Variants in IFT43 observed in about 807,000 individuals in gnomAD.
IFT43 encodes the protein intraflagellar transport 43.
A neutral mutation model predicts 32.3 loss-of-function variants in IFT43; 33 were observed. The ratio of observed to expected loss-of-function variants is 1.02; its 90% CI spans 0.77 to 1.37. The LOEUF (loss-of-function observed/expected upper bound fraction) is 1.37. Ranked by LOEUF, IFT43 falls within the 40% of genes most tolerant of loss-of-function variation. The pLI, the probability that IFT43 is intolerant of heterozygous loss-of-function variation, is 0.00. For missense variants in IFT43, 274 were observed against 265.9 expected (o/e 1.03, Z -0.21); for synonymous variants, 93 against 98.2 (o/e 0.95, Z 0.31).
At chr14:75,992,637 C>T (rs1374389149) in intron 2 of IFT43, among the ~76,000 whole-genome samples, 3 of 152,108 alleles carry the variant, frequency 2.0e-5, no homozygotes, top group Admixed American at 6.5e-5. Context: ...CCTTGAACTC[C>T]CGGGCTCAAG....
At chr14:76,053,385 A>G (rs11844062) in intron 3 of IFT43, among the ~76,000 whole-genome samples, 52,490 of 151,860 alleles carry the variant, frequency 0.35, 9,193 homozygotes, top group African/African-American at 0.39. Context: ...GGCTAAGCGT[A>G]GGTCAGAGAG....
rs1485146040 is a variant in IFT43, at chr14:76,062,938, A to AAAAAGAAAAAAG, written c.295+3568_295+3569insAGAAAAAAGAAA. Among the ~76,000 whole-genome samples the AAAAAGAAAAAAG allele has an allele frequency of 5.9e-3, 708 of 120,766 alleles. 47 individuals are homozygous for AAAAAGAAAAAAG. Among genetic ancestry groups the AAAAAGAAAAAAG allele is most frequent in the African/African-American group, 0.013 (396 of 30,390 alleles). 79.2% of individuals were successfully genotyped at this position (120,766 alleles called of 152,430 possible). A position where few individuals can be genotyped will look rare whatever the true frequency, so the allele number is the denominator to read the frequency against. On this transcript the variant is annotated intron_variant, in intron 5 of 8. Coordinates refer to ENST00000314067, the MANE Select transcript of IFT43 (RefSeq NM_001102564.3). ...ATCTCAAAAAAAAAAAAAAAAAAAA[A>AAAAAGAAAAAAG]AAAGAAAATACATTAAGTCAAACCA...
At chr14:76,048,828 GC>G (rs2036857740) in intron 3 of IFT43, among the ~76,000 whole-genome samples, 1 of 152,130 alleles carries the variant, frequency 6.6e-6, no homozygotes, top group African/African-American at 2.4e-5. Flanking sequence ...ACCAGGGTGG[GC>G]CCTGAGCCTC....
chr14:76,033,155 GC>G (rs1344781507), intron 3 of IFT43, among the ~76,000 whole-genome samples: 1 of 152,180 alleles, frequency 6.6e-6, no homozygotes, highest in African/African-American at 2.4e-5. Context: ...TTGCATTGGA[GC>G]CCCAGCCAGA....
Position 76,083,645 on chromosome 14 carries a change from C to A in IFT43, c.*68C>A. The A allele has an allele frequency of 6.7e-7, 1 of 1,496,408 alleles. No homozygotes were observed. Among genetic ancestry groups the A allele is most frequent in the Non-Finnish European group, 9.3e-7 (1 of 1,081,030 alleles). 92.7% of individuals were successfully genotyped at this position (1,496,408 alleles called of 1,614,324 possible). A position where few individuals can be genotyped will look rare whatever the true frequency, so the allele number is the denominator to read the frequency against. ...TAAAGCTAAAGAAGCTTGTAAGCAG[C>A]TCCGAATTTTTACCTGGAATATTTT... On this transcript the variant is annotated 3_prime_UTR_variant, in exon 9 of 9. Transcript: ENST00000314067.
intron 5 of IFT43, among the ~76,000 whole-genome samples, chr14:76,061,879 T>C (rs1469531023): frequency 3.9e-5 from 6 of 152,170 alleles, no homozygotes; most frequent in Non-Finnish European, 2.9e-5. Flanking sequence ...TCCTCCAATA[T>C]ACATTTCCTT....
chr14:75,990,509 A>G (rs532628665), intron 2 of IFT43, among the ~76,000 whole-genome samples: 11 of 152,354 alleles, frequency 7.2e-5, no homozygotes, highest in African/African-American at 2.6e-4. Flanking sequence ...TATCTGTCAC[A>G]GTGCCTGGCA....
At chr14:75,986,589 G>A (rs1181448300) in intron 1 of IFT43, among the ~76,000 whole-genome samples, 1 of 152,176 alleles carries the variant, frequency 6.6e-6, no homozygotes, top group African/African-American at 2.4e-5. Context: ...ATGTTATCAC[G>A]GAAGAGGTCA....
Position 76,021,979 on chromosome 14 carries a change from G to A in IFT43, c.148-348G>A, listed in dbSNP as rs563733230. ...TTAAACACAAATGTTGGTTGGGCGC[G>A]GTGGCTCACGCCTGTAATCCCAGCA... On this transcript the variant is annotated intron_variant, in intron 2 of 8. Transcript: ENST00000314067. Among the ~76,000 whole-genome samples, 4 of 152,312 alleles carry A rather than the reference G, an allele frequency of 2.6e-5. No individual in the cohort carries two copies. The South Asian group carries it at 6.2e-4, about 24-fold the overall frequency.
At chr14:76,028,997 C>G (rs1330054363) in intron 3 of IFT43, among the ~76,000 whole-genome samples, 4 of 152,176 alleles carry the variant, frequency 2.6e-5, no homozygotes, top group Non-Finnish European at 5.9e-5. Flanking sequence ...GATGGGATTG[C>G]CGGGTCAAAT....
chr14:76,061,460 T>C (rs1028152461), intron 5 of IFT43, among the ~76,000 whole-genome samples: 1 of 152,234 alleles, frequency 6.6e-6, no homozygotes, highest in Non-Finnish European at 1.5e-5. Flanking sequence ...CAAGTTTGTA[T>C]GCCCACACAA....
intron 2 of IFT43, among the ~76,000 whole-genome samples, chr14:76,012,783 AGTTTAGGGAAT>A (rs1334501205): frequency 2.0e-5 from 3 of 152,172 alleles, no homozygotes; most frequent in Non-Finnish European, 2.9e-5. Flanking sequence ...TTTTAAAACA[AGTTTAGGGAAT>A]GTTACCTGGC....
intron 5 of IFT43, among the ~76,000 whole-genome samples, chr14:76,078,510 A>G (rs771947694): frequency 2.6e-5 from 4 of 152,232 alleles, no homozygotes; most frequent in Admixed American, 6.5e-5. Context: ...TGGGTGTTCC[A>G]TCAGTATCCT....
At chr14:76,068,390 C>T (rs781682129) in intron 5 of IFT43, among the ~76,000 whole-genome samples, 3 of 152,218 alleles carry the variant, frequency 2.0e-5, no homozygotes, top group South Asian at 2.1e-4. Flanking sequence ...CAATACTCAT[C>T]CTCCCCACAT....
At chr14:76,070,239 C>T (rs1308125772) in intron 5 of IFT43, among the ~76,000 whole-genome samples, 4 of 152,218 alleles carry the variant, frequency 2.6e-5, no homozygotes, top group African/African-American at 7.2e-5. Context: ...CCCTGTCTCT[C>T]CCTCTTCCCA....
chr14:76,007,320 C>T (rs1288344429), intron 2 of IFT43, among the ~76,000 whole-genome samples: 1 of 152,174 alleles, frequency 6.6e-6, no homozygotes, highest in Non-Finnish European at 1.5e-5. Flanking sequence ...CTGGTCTCAC[C>T]ACTGCGTGAT....
At chr14:76,067,614 T>C (rs2037248152) in intron 5 of IFT43, among the ~76,000 whole-genome samples, 1 of 151,366 alleles carries the variant, frequency 6.6e-6, no homozygotes, top group Admixed American at 6.6e-5. Flanking sequence ...CTTTGAAGAT[T>C]AAGTGTGTTT....
chr14:75,994,845 C>T (rs1194864435), intron 2 of IFT43, among the ~76,000 whole-genome samples: 1 of 152,180 alleles, frequency 6.6e-6, no homozygotes. Flanking sequence ...TGATTGTGCC[C>T]TCACAGAACT....
In IFT43 at chr14:76,082,700, G is replaced by A. The variant is rs1322634685; in HGVS notation, c.444+8G>A. On this transcript the variant is annotated splice_region_variant and intron_variant, in intron 7 of 8. Coordinates refer to ENST00000314067, the MANE Select transcript of IFT43 (RefSeq NM_001102564.3). ...TCAGCCATTCAGACACTGGTGAGTG[G>A]AACAGCTTCTGCATAGAGAGGCGGG... 2.5e-6 allele frequency: 4 copies of A among 1,573,286 alleles called. No individual in the cohort carries two copies. The highest frequency in any genetic ancestry group is 2.7e-5 in the African/African-American group (2 of 73,998).
Sources: gnomAD v4.1 joint callset for allele counts (sites outside exome capture counted in the v4.1 genomes callset) on GRCh38, gnomAD v4.1.1 for gene constraint, MANE v1.5 for transcripts, NCBI Gene and HGNC (gene_info 2026-07-23, HGNC 2026-07-21) for gene names.